WDR62: variants seen among roughly 807,000 people sequenced by gnomAD.
WDR62 encodes the protein WD repeat-containing protein 62.
A neutral mutation model predicts 160.6 loss-of-function variants in WDR62; 112 were observed. The observed-to-expected ratio is 0.70, with a 90% confidence interval of 0.60 to 0.82. The LOEUF is 0.82. Ranked by LOEUF, WDR62 falls within the 40% of genes least tolerant of loss-of-function variation. WDR62 has a pLI of 0.00. For synonymous variants in WDR62, 792 were observed against 815.1 expected (o/e 0.97, Z 0.48); for missense variants, 1,819 against 1,983.8 (o/e 0.92, Z 1.58).
At chr19:36,076,565 AAAAAAAG>A (rs1363624385) in intron 9 of WDR62, among the ~76,000 whole-genome samples, 1 of 151,860 alleles carries the variant, frequency 6.6e-6, no homozygotes, top group Non-Finnish European at 1.5e-5. Context: ...CTCAAAAAAA[AAAAAAAG>A]AAAAAAGAGA....
intron 25 of WDR62, 92 bp downstream of exon 25, chr19:36,101,866 C>A: frequency 4.0e-6 from 6 of 1,510,292 alleles, no homozygotes; most frequent in Non-Finnish European, 5.4e-6. Context: ...CACTTGGAGC[C>A]CACTGAGCCT....
At chr19:36,097,260 CTGGA>C (rs1973029774) in intron 21 of WDR62, among the ~76,000 whole-genome samples, 181 bp downstream of exon 21, 1 of 152,224 alleles carries the variant, frequency 6.6e-6, no homozygotes, top group Non-Finnish European at 1.5e-5. Context: ...AGGCATTGTT[CTGGA>C]TGTCAGGGAC....
chr19:36,092,905 C>G (rs1972719929), intron 19 of WDR62, 94 bp downstream of exon 19: 1 of 1,589,606 alleles, frequency 6.3e-7, no homozygotes. Context: ...CAAGACAGCC[C>G]TAGGCCCTGC....
In WDR62 at chr19:36,101,232, G is replaced by A. The variant is rs1329888757; in HGVS notation, c.2886G>A (p.Glu962=). The change falls in exon 24 of 32, where the codon GAG becomes GAA. Residue 962 remains glutamate, a synonymous_variant. Coordinates refer to ENST00000401500, the MANE Select transcript of WDR62 (RefSeq NM_001083961.2). ...TGTDSQYCRK[E]VEAGPGDQQG... ...ACTGCAGCCAGTATTGCAGGAAGGA[G>A]GTGGAGGCCGGGCCTGGAGACCAGC... 1 of 1,612,892 alleles carries A rather than the reference G, an allele frequency of 6.2e-7. No individual in the cohort carries two copies. The highest frequency in any genetic ancestry group is 2.2e-5 in the East Asian group (1 of 44,860).
At chr19:36,080,433 T>TTTTTATTG (rs1241205986) in intron 9 of WDR62, among the ~76,000 whole-genome samples, 1 of 150,530 alleles carries the variant, frequency 6.6e-6, no homozygotes, top group Non-Finnish European at 1.5e-5. Flanking sequence ...TTTTTTTATT[T>TTTTTATTG]TTATTTTTTT....
At chr19:36,086,290 GC>G (rs1321702715) in intron 12 of WDR62, among the ~76,000 whole-genome samples, 2 of 152,100 alleles carry the variant, frequency 1.3e-5, no homozygotes, top group African/African-American at 4.8e-5. Context: ...CCTGAACAAG[GC>G]CCAGGTAGCC....
At position 36,091,276 on chromosome 19, in the gene WDR62, C is replaced by T. The variant is rs750547223; in HGVS notation, c.2111C>T (p.Ser704Leu). The T allele has an allele frequency of 3.7e-6, 6 of 1,613,872 alleles. No individual in the cohort carries two copies. Among genetic ancestry groups the T allele is most frequent in the East Asian group, 4.5e-5 (2 of 44,888 alleles). The change falls in exon 17 of 32, where the codon TCG becomes TTG. Residue 704 changes from serine to leucine, a missense_variant. Physicochemically the swap from Ser to Leu is moderately radical, Grantham distance 145 (BLOSUM62 -2). This residue lies in a region of WDR62 where 934 missense variants were observed against 1,157.2 expected (regional missense o/e 0.81). Coordinates refer to ENST00000401500, the MANE Select transcript of WDR62 (RefSeq NM_001083961.2). ...AGCATCTCAGTGATTGACTTTTACT[C>T]GGGCGAGTGCATTGCCAAGATGTTT... ...DKSISVIDFY[S>L]GECIAKMFGH...
chr19:36,069,079 C>G (rs1015692714), intron 7 of WDR62, among the ~76,000 whole-genome samples: 2 of 150,180 alleles, frequency 1.3e-5, no homozygotes, highest in Non-Finnish European at 3.0e-5. Flanking sequence ...CGGGGGCTAA[C>G]CCCCCACCTC....
At chr19:36,064,559 G>C (rs1043974056) in intron 3 of WDR62, among the ~76,000 whole-genome samples, 3 of 151,646 alleles carry the variant, frequency 2.0e-5, no homozygotes, top group Non-Finnish European at 2.9e-5. Context: ...GATTACAGGC[G>C]TGAGCCACCG....
intron 3 of WDR62, among the ~76,000 whole-genome samples, chr19:36,063,373 T>G (rs1970767455): frequency 6.6e-6 from 1 of 152,088 alleles, no homozygotes; most frequent in Non-Finnish European, 1.5e-5. Flanking sequence ...CTCAGCCTCC[T>G]GAGTAGCTGG....
intron 3 of WDR62, chr19:36,062,350 T>C (rs913116364): frequency 1.3e-5 from 2 of 152,062 alleles, no homozygotes; most frequent in Admixed American, 6.6e-5. Context: ...TGCCCCTATA[T>C]CTCTAAATAC....
intron 5 of WDR62, 104 bp from the exon 6 acceptor site, chr19:36,067,202 G>T: frequency 6.6e-7 from 1 of 1,516,182 alleles, no homozygotes; most frequent in South Asian, 1.1e-5. Flanking sequence ...CAGGAAGACA[G>T]ACTTGGAGTG....
chr19:36,103,815 T>C lies in WDR62; in HGVS notation c.3987T>C (p.Pro1329=). Residue 1329 remains proline (P), a synonymous_variant, in exon 30 of 32, where the codon CCT becomes CCC. Transcript: ENST00000401500. ...TCCCTGCAGTGAGCTTCCCAGCCCC[T>C]AGCCCTGTGGAAGAGAGCGCCCTGA... is the stretch of plus-strand genomic sequence containing the variant. ...VTVPAVSFPA[P]SPVEESALRL... is the part of the protein sequence containing the mutation. 1 of 1,608,178 alleles carries C rather than the reference T, an allele frequency of 6.2e-7. No homozygotes were observed. The highest frequency in any genetic ancestry group is 1.1e-5 in the South Asian group (1 of 91,054).
chr19:36,085,245 A>G (rs1972141993), intron 12 of WDR62, among the ~76,000 whole-genome samples: 1 of 151,662 alleles, frequency 6.6e-6, no homozygotes, highest in African/African-American at 2.4e-5. Flanking sequence ...TCTCCCATGT[A>G]GCTGGGATTA....
At chr19:36,106,576 C>T (rs59832408), downstream of WDR62, among the ~76,000 whole-genome samples, 20,692 of 152,004 alleles carry the variant, frequency 0.14, 1,718 homozygotes, top group Middle Eastern at 0.25. Context: ...GACATTTGGG[C>T]TGAAGCTTGA....
chr19:36,066,060 C>A, intron 4 of WDR62, 45 bp downstream of exon 4: 1 of 1,607,374 alleles, frequency 6.2e-7, no homozygotes, highest in Non-Finnish European at 8.5e-7. Flanking sequence ...GCTGGGGGGT[C>A]TTGGAAGCCA....
intron 3 of WDR62, among the ~76,000 whole-genome samples, chr19:36,064,077 G>GA: frequency 6.6e-6 from 1 of 152,274 alleles, no homozygotes; most frequent in African/African-American, 2.4e-5. Flanking sequence ...CATGCTTGAG[G>GA]AATCAGTGCA....
intron 12 of WDR62, 68 bp downstream of exon 12, chr19:36,084,812 A>G (rs1479220642): frequency 6.9e-7 from 1 of 1,454,146 alleles, no homozygotes; most frequent in Admixed American, 1.7e-5. Context: ...GGCCACAGAA[A>G]GGGGTAGTTG....
rs566519682 is a variant in WDR62, at chr19:36,085,617, A to G, written c.1642+873A>G. Among the ~76,000 whole-genome samples the G allele has an allele frequency of 7.2e-4, 109 of 151,632 alleles. 2 individuals carry two copies. Among genetic ancestry groups the G allele is most frequent in the African/African-American group, 2.4e-3 (100 of 41,366 alleles). On this transcript the variant is annotated intron_variant, in intron 12 of 31. Transcript: ENST00000401500. ...CCCACCACACCCGGCTAATTTTTGT[A>G]TTTTTAGTACAGACGGGGTTTCACC... is the stretch of plus-strand genomic sequence containing the variant.
Sources: allele counts gnomAD v4.1 joint callset (sites outside exome capture counted in the v4.1 genomes callset), GRCh38; gene constraint gnomAD v4.1.1; regional missense constraint gnomAD v4.1.1; transcripts MANE v1.5; gene names NCBI Gene and HGNC (gene_info 2026-07-23, HGNC 2026-07-21).